RPL29: variants seen among roughly 807,000 people sequenced by gnomAD.
RPL29 encodes the protein large ribosomal subunit protein eL29.
RPL29 carries 4 observed loss-of-function variants against 7.2 expected under a neutral mutation model. The observed-to-expected ratio is 0.55, with a 90% confidence interval of 0.27 to 1.26. The LOEUF is 1.26. Ranked by LOEUF, RPL29 falls within the 50% of genes most tolerant of loss-of-function variation. The probability of loss-of-function intolerance (pLI) is 0.11; values close to 1 mark genes in which losing one functional copy is unlikely to be tolerated. For missense variants in RPL29, 148 were observed against 209.1 expected, an observed-to-expected ratio of 0.71 and a Z score of 1.80; for synonymous variants, 73 against 72.8, an observed-to-expected ratio of 1.00 and a Z score of -0.01.
Position 51,994,364 on chromosome 3 carries a change from G to A in RPL29, c.103-238C>T. ...CAAGAACAAAATTACAAGCTGCTTT[G>A]CTGCCCTGTCTGCCAAGGTTGTGGG... On this transcript the variant is annotated intron_variant, in intron 3 of 3. Coordinates refer to ENST00000294189, the MANE Select transcript of RPL29 (RefSeq NM_000992.3). The A allele has an allele frequency of 9.7e-6, 5 of 516,834 alleles. No individual in the cohort carries two copies. The South Asian group carries it at 1.6e-4, about 16-fold the overall frequency. 32.0% of individuals were successfully genotyped at this position (516,834 alleles called of 1,614,324 possible).
rs1349128366 is a variant in RPL29 at position 51,995,095 on chromosome 3, G to A, written c.49C>T (p.His17Tyr). The A allele has an allele frequency of 1.2e-6, 2 of 1,605,914 alleles. No homozygotes were observed. Among genetic ancestry groups the A allele is most frequent in the Admixed American group, 1.7e-5 (1 of 59,352 alleles). ...CGGGGTTTCTTGATACCATTTCTGT[G>A]CCATTTTCGGGCTGTGGGAGAAAAA... Reference protein sequence around the residue: ...HTTHNQSRKWHRNGIKKPRSQ... With the variant: ...HTTHNQSRKWYRNGIKKPRSQ... Residue 17 changes from histidine (H) to tyrosine (Y), a missense_variant, in exon 3 of 4, where the codon CAC becomes TAC. Coordinates refer to ENST00000294189, the MANE Select transcript of RPL29 (RefSeq NM_000992.3).
In RPL29 at chr3:51,993,713, G is replaced by C. The variant is rs377284869; in HGVS notation, c.*36C>G. ...AGCCCAGGGGCGGGGGTGGGGGGTC[G>C]CACCAGTCCTTCTGTCCTCATGTTG... On this transcript the variant is annotated 3_prime_UTR_variant, in exon 4 of 4. Coordinates refer to ENST00000294189, the MANE Select transcript of RPL29 (RefSeq NM_000992.3). The C allele has an allele frequency of 2.0e-6, 3 of 1,534,174 alleles. No homozygotes were observed. The East Asian group carries it at 6.8e-5, about 35-fold the overall frequency.
At position 51,993,981 on chromosome 3, in the gene RPL29, G is replaced by A; in HGVS notation, c.248C>T (p.Pro83Leu). 1.3e-6 allele frequency: 2 copies of A among 1,597,536 alleles called. No individual in the cohort carries two copies. Among genetic ancestry groups the A allele is most frequent in the Non-Finnish European group, 1.7e-6 (2 of 1,179,760 alleles). The stretch of plus-strand genomic sequence containing the variant: ...GCGGCTGACACCCTTTGGGATCTTG[G>A]GCTTAACCTCCTTGGGCTTTACGAG... ...KALVKPKEVK[P>L]KIPKGVSRKL... is the part of the protein sequence containing the mutation. Residue 83 changes from proline (P) to leucine (L), a missense_variant, in exon 4 of 4, where the codon CCC (proline) becomes CTC (leucine). Coordinates refer to ENST00000294189, the MANE Select transcript of RPL29 (RefSeq NM_000992.3).
chr3:51,995,750 T>C, intron 1 of RPL29, 107 bp downstream of exon 1: 1 of 438,488 alleles, frequency 2.3e-6, no homozygotes, highest in Non-Finnish European at 4.2e-6. Flanking sequence ...CCCGCAGCTT[T>C]TGCTCCCGAC....
In RPL29 at chr3:51,993,652, A is replaced by T. The variant is rs1186828738; in HGVS notation, c.*97T>A. 9.6e-6 allele frequency: 12 copies of T among 1,251,202 alleles called. No homozygotes were observed. Among genetic ancestry groups the T allele is most frequent in the Middle Eastern group, 2.9e-4 (1 of 3,488 alleles). 77.5% of individuals were successfully genotyped at this position (1,251,202 alleles called of 1,614,324 possible). On this transcript the variant is annotated 3_prime_UTR_variant, in exon 4 of 4. Coordinates refer to ENST00000294189, the MANE Select transcript of RPL29 (RefSeq NM_000992.3). The stretch of plus-strand genomic sequence containing the variant: ...ATCCTGCCTCAGGTTTATTTGTACA[A>T]ATAGCACAGGAGGACCCCAGCCCCA...
rs549317459 is a variant in RPL29, at chr3:51,995,531, C to G, written c.-8-62G>C. 1.5e-4 allele frequency: 222 copies of G among 1,516,040 alleles called. 2 individuals carry two copies. The African/African-American group carries it at 2.3e-3, about 16-fold the overall frequency. 93.9% of individuals were successfully genotyped at this position (1,516,040 alleles called of 1,614,324 possible). A position where few individuals can be genotyped will look rare whatever the true frequency, so the allele number is the denominator to read the frequency against. On this transcript the variant is annotated intron_variant, in intron 1 of 3. Coordinates refer to ENST00000294189, the MANE Select transcript of RPL29 (RefSeq NM_000992.3). The stretch of plus-strand genomic sequence containing the variant: ...GCCAGGCTGGGCCACCTCTGCCCCC[C>G]CCATTCTGGTCAGAATGAGCCTGCA...
intron 2 of RPL29, 45 bp from the exon 3 acceptor site, chr3:51,995,151 C>T (rs1480579475): frequency 6.6e-7 from 1 of 1,515,796 alleles, no homozygotes. Flanking sequence ...GAACTTTCCT[C>T]TAATAAGACC....
rs1272487846 is a variant in RPL29 at position 51,993,918 on chromosome 3, A to G, written c.311T>C (p.Leu104Pro). The G allele has an allele frequency of 6.3e-7, 1 of 1,596,482 alleles. No individual in the cohort carries two copies. The highest frequency in any genetic ancestry group is 8.5e-7 in the Non-Finnish European group (1 of 1,179,762). The change falls in exon 4 of 4, where the codon CTT becomes CCT. Residue 104 changes from leucine (L) to proline (P), a missense_variant. Transcript: ENST00000294189. ...AATACGGGCACGAGCACGCTTCCCA[A>G]GCTTGGGGTGGGCAATGTAGGCAAG... ...DRLAYIAHPK[L>P]GKRARARIAK...
In RPL29 at chr3:51,995,018, T is replaced by C; in HGVS notation, c.102+24A>G. On this transcript the variant is annotated intron_variant, in intron 3 of 3. Transcript: ENST00000294189. ...TGCACCTGGAACCAAGAAAAGACACTTCCATGTGATTCAGTGCACTCACCC... is the reference window on the plus strand; with the variant it reads ...TGCACCTGGAACCAAGAAAAGACACCTCCATGTGATTCAGTGCACTCACCC... 4 of 1,600,746 alleles carry C rather than the reference T, an allele frequency of 2.5e-6. No homozygotes were observed. The South Asian group carries it at 4.4e-5, about 18-fold the overall frequency.
chr3:51,994,817 A>C (rs752390904), intron 3 of RPL29: 10 of 706,810 alleles, frequency 1.4e-5, no homozygotes, highest in African/African-American at 8.7e-5. Context: ...AACTGCCCTC[A>C]GGAGGCAGGT....
chr3:51,993,875 C>T lies in RPL29; in HGVS notation c.354G>A (p.Leu118=), dbSNP rs753193673. Residue 118 remains leucine, a synonymous_variant, in exon 4 of 4, where the codon CTG becomes CTA. Coordinates refer to ENST00000294189, the MANE Select transcript of RPL29 (RefSeq NM_000992.3). ...ARARIAKGLR[L]CRPKAKAKAK... ...CCTTGGCCTTGGCCTTTGGCCGGCA[C>T]AGCCTGAGCCCCTTGGCAATACGGG... The T allele has an allele frequency of 3.1e-6, 5 of 1,596,366 alleles. No individual in the cohort carries two copies. Among genetic ancestry groups the T allele is most frequent in the Non-Finnish European group, 3.4e-6 (4 of 1,179,778 alleles).
At chr3:51,994,771 A>G in intron 3 of RPL29, 2 of 699,256 alleles carry the variant, frequency 2.9e-6, no homozygotes, top group Admixed American at 2.0e-5. Flanking sequence ...GCCACTCCTT[A>G]CCCTAAGTGC....
At chr3:51,994,465 A>G (rs1347609108) in intron 3 of RPL29, 4 of 317,362 alleles carry the variant, frequency 1.3e-5, no homozygotes, top group Non-Finnish European at 1.1e-5. Context: ...TCCCCTCTTT[A>G]GAAGAAGGTG....
At chr3:51,994,257 T>C in intron 3 of RPL29, 131 bp from the exon 4 acceptor site, 1 of 1,202,500 alleles carries the variant, frequency 8.3e-7, no homozygotes, top group Non-Finnish European at 1.1e-6. Context: ...ATACCCAACC[T>C]CTTGAAACTA....
intron 3 of RPL29, chr3:51,994,628 C>A: frequency 1.9e-6 from 1 of 532,994 alleles, no homozygotes; most frequent in Non-Finnish European, 3.4e-6. Context: ...CCCCTAGACC[C>A]TCCAGCCTTC....
intron 2 of RPL29, 45 bp downstream of exon 2, chr3:51,995,380 G>T: frequency 6.2e-7 from 1 of 1,609,402 alleles, no homozygotes; most frequent in Non-Finnish European, 8.5e-7. Flanking sequence ...GCCTGAACCA[G>T]TCCTTGCCAG....
At position 51,994,896 on chromosome 3, in the gene RPL29, G is replaced by A. The variant is rs749499409; in HGVS notation, c.102+146C>T. The A allele has an allele frequency of 3.7e-6, 3 of 800,184 alleles. No homozygotes were observed. The South Asian group carries it at 4.0e-5, about 11-fold the overall frequency. 49.6% of individuals were successfully genotyped at this position (800,184 alleles called of 1,614,324 possible). A position where few individuals can be genotyped will look rare whatever the true frequency, so the allele number is the denominator to read the frequency against. ...GGAAAGCTTTATTATGGGTCTGGTA[G>A]GGTAGAAAAAGGAATTGCAGGCTTT... On this transcript the variant is annotated intron_variant, in intron 3 of 3. Transcript: ENST00000294189.
In RPL29 at chr3:51,993,624, C is replaced by T; in HGVS notation, c.*125G>A. ...CCCCAGGATCATAGACAGAGGCTAA[C>T]AAATCCTGCCTCAGGTTTATTTGTA... On this transcript the variant is annotated 3_prime_UTR_variant, in exon 4 of 4. Coordinates refer to ENST00000294189, the MANE Select transcript of RPL29 (RefSeq NM_000992.3). The T allele has an allele frequency of 1.9e-6, 2 of 1,059,658 alleles. No individual in the cohort carries two copies. Among genetic ancestry groups the T allele is most frequent in the Non-Finnish European group, 2.7e-6 (2 of 734,440 alleles). 65.6% of individuals were successfully genotyped at this position (1,059,658 alleles called of 1,614,324 possible). A position where few individuals can be genotyped will look rare whatever the true frequency, so the allele number is the denominator to read the frequency against.
intron 1 of RPL29, 73 bp downstream of exon 1, chr3:51,995,784 C>T (rs1443116659): frequency 5.3e-6 from 2 of 373,992 alleles, no homozygotes; most frequent in Admixed American, 8.4e-5. Context: ...GTCACCAGTC[C>T]TCTCCGCAGC....
Sources: gnomAD v4.1 joint callset for allele counts on GRCh38, gnomAD v4.1.1 for gene constraint, MANE v1.5 for transcripts, NCBI Gene and HGNC (gene_info 2026-07-23, HGNC 2026-07-21) for gene names.